Variants in CNTN4 observed in about 807,000 individuals in gnomAD.
CNTN4 encodes contactin-4.
Under a neutral mutation model 122.5 loss-of-function variants are expected in CNTN4, and 77 were observed. The ratio of observed to expected loss-of-function variants is 0.63; its 90% CI spans 0.52 to 0.76. CNTN4 has a LOEUF of 0.76. CNTN4 is among the 30% of genes least tolerant of loss of function. The probability of loss-of-function intolerance (pLI) is 0.00; values close to 1 mark genes in which losing one functional copy is unlikely to be tolerated. For synonymous variants in CNTN4, 512 were observed against 447.0 expected, an observed-to-expected ratio of 1.15 and a Z score of -1.83; for missense variants, 1,256 against 1,259.1, an observed-to-expected ratio of 1.00 and a Z score of 0.04.
At chr3:2,800,668 G>T (rs2728083) in intron 6 of CNTN4, among the ~76,000 whole-genome samples, 88,945 of 152,012 alleles carry the variant, frequency 0.59, 26,611 homozygotes, top group South Asian at 0.75. Context: ...ACCTGCAGTG[G>T]CTTCCATATT....
intron 23 of CNTN4, among the ~76,000 whole-genome samples, chr3:3,052,341 A>G (rs892945363): frequency 3.3e-5 from 5 of 152,148 alleles, no homozygotes; most frequent in Non-Finnish European, 7.3e-5. Context: ...ACAGGAGGAC[A>G]TGTTTTGACA....
At chr3:2,756,832 A>C (rs2090359374) in intron 6 of CNTN4, among the ~76,000 whole-genome samples, 2 of 152,184 alleles carry the variant, frequency 1.3e-5, no homozygotes, top group Admixed American at 1.3e-4. Flanking sequence ...AGAGCCTTCG[A>C]AGGTGCCCAG....
At chr3:2,378,273 C>T (rs2045895050) in intron 3 of CNTN4, among the ~76,000 whole-genome samples, 1 of 152,204 alleles carries the variant, frequency 6.6e-6, no homozygotes, top group East Asian at 1.9e-4. Flanking sequence ...GATGCAGGCA[C>T]TGCTGTTTCA....
chr3:2,618,881 T>A (rs887240810), intron 4 of CNTN4, among the ~76,000 whole-genome samples: 12 of 151,828 alleles, frequency 7.9e-5, no homozygotes, highest in African/African-American at 2.9e-4. Flanking sequence ...GTGGAAGGAG[T>A]GGTAAGTTTG....
At chr3:2,756,572 A>G (rs2090348559) in intron 6 of CNTN4, among the ~76,000 whole-genome samples, 1 of 152,246 alleles carries the variant, frequency 6.6e-6, no homozygotes, top group South Asian at 2.1e-4. Context: ...GTCTACCTGG[A>G]AACTGTGAAA....
chr3:2,965,088 T>A (rs929912201), intron 13 of CNTN4, among the ~76,000 whole-genome samples: 6 of 152,168 alleles, frequency 3.9e-5, no homozygotes, highest in African/African-American at 1.4e-4. Flanking sequence ...AAAATGAAAT[T>A]ATAGAATTAA....
At chr3:2,575,518 G>A (rs1158545594) in intron 4 of CNTN4, among the ~76,000 whole-genome samples, 1 of 151,918 alleles carries the variant, frequency 6.6e-6, no homozygotes, top group African/African-American at 2.4e-5. Context: ...AAGGAAGGAA[G>A]GCAAGGAAGA....
intron 6 of CNTN4, among the ~76,000 whole-genome samples, chr3:2,813,774 C>T (rs2092668004): frequency 6.6e-6 from 1 of 152,156 alleles, no homozygotes; most frequent in East Asian, 1.9e-4. Context: ...TAAGATACTT[C>T]TTCCCCAGCT....
intron 18 of CNTN4, chr3:3,037,810 C>G (rs1699750126): frequency 4.8e-6 from 1 of 209,196 alleles, no homozygotes; most frequent in Non-Finnish European, 9.8e-6. Context: ...ATAAACCATT[C>G]CCAGAAACGA....
At chr3:2,876,242 G>A (rs75620117) in intron 8 of CNTN4, among the ~76,000 whole-genome samples, 14 of 152,310 alleles carry the variant, frequency 9.2e-5, no homozygotes, top group African/African-American at 3.4e-4. Context: ...CTGGATGGTG[G>A]TGGTGGTAGA....
chr3:2,875,506 G>C (rs1343511307), intron 8 of CNTN4, among the ~76,000 whole-genome samples: 1 of 152,062 alleles, frequency 6.6e-6, no homozygotes, highest in Non-Finnish European at 1.5e-5. Context: ...ACCTATTTTT[G>C]TAAATAAAGT....
chr3:2,873,409 G>A (rs570153411), intron 8 of CNTN4, among the ~76,000 whole-genome samples: 1 of 152,278 alleles, frequency 6.6e-6, no homozygotes, highest in South Asian at 2.1e-4. Context: ...GGTGCATTCA[G>A]TCTTTCAGGC....
At position 3,042,983 on chromosome 3, in the gene CNTN4, T is replaced by C; in HGVS notation, c.2518T>C (p.Tyr840His). 1 of 1,613,454 alleles carries C rather than the reference T, an allele frequency of 6.2e-7. No homozygotes were observed. Among genetic ancestry groups the C allele is most frequent in the Non-Finnish European group, 8.5e-7 (1 of 1,179,386 alleles). The change falls in exon 22 of 25, where the codon TAT becomes CAT. Residue 840 changes from tyrosine to histidine, a missense_variant. Tyr to His is a moderately conservative substitution (Grantham distance 83, BLOSUM62 2). Coordinates refer to ENST00000418658, the MANE Select transcript of CNTN4 (RefSeq NM_175607.3). Reference protein sequence around the residue: ...RGRIQGYEVKYWRHEDKEENA... With the variant: ...RGRIQGYEVKHWRHEDKEENA... ...TTTCTGTTTATCTTCTTAGGTTAAA[T>C]ATTGGAGACATGAAGACAAAGAAGA...
intron 13 of CNTN4, among the ~76,000 whole-genome samples, chr3:2,966,691 G>A (rs903567033): frequency 6.6e-6 from 1 of 152,006 alleles, no homozygotes; most frequent in Non-Finnish European, 1.5e-5. Context: ...ACCCTGATGG[G>A]ATCATTACAC....
chr3:2,783,614 A>G (rs1235491576), intron 6 of CNTN4, among the ~76,000 whole-genome samples: 1 of 152,222 alleles, frequency 6.6e-6, no homozygotes, highest in East Asian at 1.9e-4. Context: ...TAACTTCTAA[A>G]CTTTTCTCTA....
At chr3:2,537,037 A>G (rs1037814058) in intron 3 of CNTN4, among the ~76,000 whole-genome samples, 2 of 152,142 alleles carry the variant, frequency 1.3e-5, no homozygotes, top group African/African-American at 4.8e-5. Context: ...ATGGAATTGA[A>G]TCTTAACCCA....
intron 3 of CNTN4, among the ~76,000 whole-genome samples, chr3:2,568,904 A>G (rs150440419): frequency 1.0e-3 from 157 of 152,352 alleles, no homozygotes; most frequent in African/African-American, 3.4e-3. Context: ...TTCCTAAGCT[A>G]ATTTTAATTG....
intron 3 of CNTN4, among the ~76,000 whole-genome samples, chr3:2,401,626 A>G (rs2046863241): frequency 2.0e-5 from 3 of 152,262 alleles, no homozygotes; most frequent in Middle Eastern, 6.8e-3. Context: ...GTAATTCAAG[A>G]CTAGAGAGGC....
intron 2 of CNTN4, among the ~76,000 whole-genome samples, chr3:2,317,827 T>C (rs1057512518): frequency 2.0e-5 from 3 of 152,180 alleles, no homozygotes; most frequent in Admixed American, 6.5e-5. Flanking sequence ...AGAGTCTGTG[T>C]CCCAGAGAGC....
Sources: allele counts gnomAD v4.1 joint callset (sites outside exome capture counted in the v4.1 genomes callset), GRCh38; gene constraint gnomAD v4.1.1; transcripts MANE v1.5; gene names NCBI Gene and HGNC (gene_info 2026-07-23, HGNC 2026-07-21).